GPHN: variants seen among roughly 807,000 people sequenced by gnomAD.
The protein encoded by GPHN is gephyrin.
A neutral mutation model predicts 95.5 loss-of-function variants in GPHN; 17 were observed. The observed-to-expected ratio is 0.18, with a 90% CI of 0.12 to 0.27. GPHN has a LOEUF of 0.27. Ranked by LOEUF, GPHN falls within the 10% of genes least tolerant of loss-of-function variation. GPHN has a pLI of 1.00. For synonymous variants in GPHN, 320 were observed against 322.5 expected, an observed-to-expected ratio of 0.99 and a Z score of 0.08; for missense variants, 660 against 978.1, an observed-to-expected ratio of 0.67 and a Z score of 4.34.
chr14:67,225,970 CGCGCGT>C, the GPHN span, among the ~76,000 whole-genome samples: 1 of 104,808 alleles, frequency 9.5e-6, no homozygotes, highest in Admixed American at 9.0e-5. Context: ...TGTGCGCGCG[CGCGCGT>C]GCGCATGCGC....
intron 2 of GPHN, among the ~76,000 whole-genome samples, chr14:66,759,415 C>T (rs2058682525): frequency 6.6e-6 from 1 of 152,174 alleles, no homozygotes; most frequent in African/African-American, 2.4e-5. Flanking sequence ...GGTAAAACAA[C>T]CAGTTTCTCT....
the GPHN span, chr14:67,392,830 C>T: frequency 1.2e-6 from 2 of 1,611,974 alleles, no homozygotes; most frequent in East Asian, 2.2e-5. Flanking sequence ...TGGAGATGAG[C>T]CAGTCCACCA....
the GPHN span, among the ~76,000 whole-genome samples, chr14:67,702,869 A>T: frequency 1.3e-5 from 2 of 152,212 alleles, no homozygotes; most frequent in African/African-American, 4.8e-5. Context: ...GGTAGAGAGC[A>T]GTGGTATGAC....
Position 67,180,974 on chromosome 14 carries a change from C to A in GPHN, c.*37C>A, listed in dbSNP as rs760751080. On this transcript the variant is annotated 3_prime_UTR_variant, in exon 23 of 23. Transcript: ENST00000478722. ...AGGAGAAAGCTTTGATGCATGTCCA[C>A]ATATCATTGACTGTATCCTGTAATA... 14 of 1,607,382 alleles carry A rather than the reference C, an allele frequency of 8.7e-6. No homozygotes were observed. The highest frequency in any genetic ancestry group is 1.2e-5 in the Non-Finnish European group (14 of 1,174,234).
At chr14:66,792,445 A>C (rs542419030) in intron 3 of GPHN, among the ~76,000 whole-genome samples, 153 of 152,176 alleles carry the variant, frequency 1.0e-3, no homozygotes, top group Non-Finnish European at 1.8e-3. Context: ...CCCAGAAAGC[A>C]GAAACTGCAG....
chr14:67,669,145 TAA>T, the GPHN span, among the ~76,000 whole-genome samples: 12 of 152,182 alleles, frequency 7.9e-5, no homozygotes, highest in African/African-American at 2.9e-4. Context: ...CTAATTGGGT[TAA>T]AGTAACCTGT....
At chr14:66,780,650 A>G (rs2059572160) in intron 3 of GPHN, among the ~76,000 whole-genome samples, 1 of 152,066 alleles carries the variant, frequency 6.6e-6, no homozygotes, top group South Asian at 2.1e-4. Flanking sequence ...GATTACTGGT[A>G]TTATATCTAA....
At chr14:67,635,809 G>A in the GPHN span, among the ~76,000 whole-genome samples, 2 of 152,150 alleles carry the variant, frequency 1.3e-5, no homozygotes, top group African/African-American at 2.4e-5. Context: ...CCAAGATCAC[G>A]CCACTTCACT....
the GPHN span, among the ~76,000 whole-genome samples, chr14:67,485,427 A>G: frequency 0.018 from 2,803 of 152,318 alleles, 98 homozygotes; most frequent in African/African-American, 0.064. Flanking sequence ...GTCAACTAGG[A>G]GAGTCAAGAT....
At chr14:66,760,921 A>G (rs2058731981) in intron 2 of GPHN, 4 of 947,534 alleles carry the variant, frequency 4.2e-6, no homozygotes, top group Non-Finnish European at 6.5e-6. Context: ...CAAAACATCC[A>G]TCTTATCCGA....
rs931202146 is a variant in GPHN at position 66,673,153 on chromosome 14, C to T, written c.65-7954C>T. 4.6e-5 allele frequency among the ~76,000 whole-genome samples: 7 copies of T among 152,116 alleles called. No individual in the cohort carries two copies. The East Asian group carries it at 1.4e-3, about 29-fold the overall frequency. ...TGTCTCCCGGGCTGGAGTACAGTGG[C>T]GCGATCTCTGCTCACTGCAACCTCC... On this transcript the variant is annotated intron_variant, in intron 1 of 22. Transcript: ENST00000478722.
At chr14:67,026,950 C>T (rs547531338) in intron 10 of GPHN, among the ~76,000 whole-genome samples, 1 of 152,204 alleles carries the variant, frequency 6.6e-6, no homozygotes, top group South Asian at 2.1e-4. Flanking sequence ...CCTTATAGCC[C>T]ACATTTTTAA....
intron 1 of GPHN, among the ~76,000 whole-genome samples, chr14:66,655,278 A>G (rs543281168): frequency 6.6e-6 from 1 of 152,264 alleles, no homozygotes; most frequent in South Asian, 2.1e-4. Context: ...GATCTTTGAT[A>G]CCTTTCACCA....
rs111611881 is a variant in GPHN at position 66,533,822 on chromosome 14, A to G, written c.64+25231A>G. 3.6e-3 allele frequency among the ~76,000 whole-genome samples: 553 copies of G among 152,324 alleles called. 11 individuals are homozygous for G. The highest frequency in any genetic ancestry group is 0.013 in the African/African-American group (526 of 41,582). On this transcript the variant is annotated intron_variant, in intron 1 of 22. Coordinates refer to ENST00000478722, the MANE Select transcript of GPHN (RefSeq NM_020806.5). The stretch of plus-strand genomic sequence containing the variant: ...TGTTACAGTTACGCCTTAGGTGACT[A>G]TCTGGTAATTTGAAATTTGAGACTT...
chr14:67,401,088 G>A, the GPHN span, among the ~76,000 whole-genome samples: 1 of 152,124 alleles, frequency 6.6e-6, no homozygotes, highest in Non-Finnish European at 1.5e-5. Context: ...CAGTGCCTGA[G>A]ACTGGGAATG....
the GPHN span, among the ~76,000 whole-genome samples, chr14:67,625,629 G>A: frequency 7.3e-6 from 1 of 136,286 alleles, no homozygotes; most frequent in Non-Finnish European, 1.5e-5. Context: ...GTGATGAGCC[G>A]AGATTGTGCC....
the GPHN span, among the ~76,000 whole-genome samples, chr14:67,373,598 G>A: frequency 1.3e-5 from 2 of 152,202 alleles, no homozygotes; most frequent in African/African-American, 4.8e-5. Flanking sequence ...CATTGTACTG[G>A]AAGTCATTGC....
At chr14:67,115,455 G>A (rs371960121) in intron 16 of GPHN, among the ~76,000 whole-genome samples, 10 of 152,202 alleles carry the variant, frequency 6.6e-5, no homozygotes, top group South Asian at 2.1e-4. Flanking sequence ...GTTTCAGGCC[G>A]GGCATGGTTG....
At chr14:67,301,587 A>AC in the GPHN span, 1 of 552,294 alleles carries the variant, frequency 1.8e-6, no homozygotes, top group Non-Finnish European at 3.1e-6. Context: ...GATGTTTACA[A>AC]CCCCATCTAT....
Sources: allele counts gnomAD v4.1 joint callset (sites outside exome capture counted in the v4.1 genomes callset), GRCh38; gene constraint gnomAD v4.1.1; transcripts MANE v1.5; gene names NCBI Gene and HGNC (gene_info 2026-07-23, HGNC 2026-07-21).